The following CPNE4 variants were observed in gnomAD, a reference collection of about 807,000 sequenced individuals.
The protein encoded by CPNE4 is copine 4, also known as copine-4.
CPNE4 carries 25 observed loss-of-function variants against 67.9 expected under a neutral mutation model. That is an observed-to-expected ratio of 0.37 (90% confidence interval 0.27 to 0.51). The LOEUF (loss-of-function observed/expected upper bound fraction) is 0.51. Ranked by LOEUF, CPNE4 falls within the 20% of genes least tolerant of loss-of-function variation. The pLI is 0.93. For synonymous variants in CPNE4, 242 were observed against 244.9 expected, an observed-to-expected ratio of 0.99 and a Z score of 0.11; for missense variants, 464 against 690.8, an observed-to-expected ratio of 0.67 and a Z score of 3.68.
intron 8 of CPNE4, among the ~76,000 whole-genome samples, chr3:131,582,106 T>C (rs1937878996): frequency 6.6e-6 from 1 of 152,104 alleles, no homozygotes; most frequent in African/African-American, 2.4e-5. Flanking sequence ...CACAGTTGAG[T>C]GATGACCAAG....
chr3:132,000,727 A>G lies in CPNE4; in HGVS notation c.-2+33840T>C, dbSNP rs117410276. ...CAGGCAGACAGAATAAACAACTACA[A>G]AAGTCTTAAAACAGTAGCATTTTAA... is the stretch of plus-strand genomic sequence containing the variant. On this transcript the variant is annotated intron_variant, in intron 1 of 15. Transcript: ENST00000429747. Among the ~76,000 whole-genome samples, 358 of 151,850 alleles carry G rather than the reference A, an allele frequency of 2.4e-3. 4 individuals carry two copies. The East Asian group carries it at 0.025, about 10-fold the overall frequency.
intron 2 of CPNE4, among the ~76,000 whole-genome samples, chr3:131,873,334 G>A (rs1029004509): frequency 2.6e-5 from 4 of 152,082 alleles, no homozygotes; most frequent in African/African-American, 7.2e-5. Flanking sequence ...TCTTTCTTCT[G>A]ACTAGACCCT....
chr3:131,978,436 T>TTTA (rs2072790456), intron 1 of CPNE4, among the ~76,000 whole-genome samples: 1 of 3,044 alleles, frequency 3.3e-4, no homozygotes, highest in African/African-American at 2.7e-3. Context: ...ATTTATATAT[T>TTTA]TATATATATT....
At chr3:131,702,252 A>C (rs1300121956) in intron 3 of CPNE4, among the ~76,000 whole-genome samples, 1 of 152,206 alleles carries the variant, frequency 6.6e-6, no homozygotes, top group Non-Finnish European at 1.5e-5. Context: ...TCACTTAAGG[A>C]GTACATATTA....
At chr3:131,536,436 T>G (rs1935150468) in intron 15 of CPNE4, among the ~76,000 whole-genome samples, 3 of 152,200 alleles carry the variant, frequency 2.0e-5, no homozygotes, top group Admixed American at 1.3e-4. Context: ...TTAACTATTA[T>G]TGAAGAGATT....
At chr3:131,581,789 G>T in intron 8 of CPNE4, 124 bp from the exon 9 acceptor site, 1 of 697,252 alleles carries the variant, frequency 1.4e-6, no homozygotes, top group South Asian at 1.7e-5. Flanking sequence ...TCTCTAGGTG[G>T]TAACTCTTGC....
At chr3:131,882,513 G>C (rs2087717464) in intron 2 of CPNE4, among the ~76,000 whole-genome samples, 1 of 152,046 alleles carries the variant, frequency 6.6e-6, no homozygotes, top group Non-Finnish European at 1.5e-5. Context: ...AATTTGTAAA[G>C]CTTACCCAAT....
chr3:131,630,299 G>A (rs2079188353), intron 7 of CPNE4, among the ~76,000 whole-genome samples: 1 of 152,168 alleles, frequency 6.6e-6, no homozygotes, highest in Non-Finnish European at 1.5e-5. Flanking sequence ...GCCCCAAAGG[G>A]CATGAGTAGT....
chr3:131,940,763 A>T (rs2107855787), intron 1 of CPNE4, among the ~76,000 whole-genome samples: 1 of 152,262 alleles, frequency 6.6e-6, no homozygotes, highest in Middle Eastern at 3.4e-3. Context: ...AATAACAGGC[A>T]CAGAGGTTTT....
chr3:131,712,782 C>G (rs550998918), intron 3 of CPNE4, among the ~76,000 whole-genome samples: 8 of 152,112 alleles, frequency 5.3e-5, no homozygotes, highest in African/African-American at 1.2e-4. Flanking sequence ...TGCTGACAAT[C>G]GAGAAGGTGC....
chr3:131,788,976 A>G (rs1172424270), intron 2 of CPNE4, among the ~76,000 whole-genome samples: 8 of 151,330 alleles, frequency 5.3e-5, no homozygotes, highest in Non-Finnish European at 1.2e-4. Flanking sequence ...CACTGTGCAC[A>G]TATTAATGAT....
At chr3:131,586,793 AGT>A (rs1304839502) in intron 8 of CPNE4, among the ~76,000 whole-genome samples, 5 of 151,870 alleles carry the variant, frequency 3.3e-5, no homozygotes, top group African/African-American at 4.8e-5. Flanking sequence ...ATGATATGAA[AGT>A]GTGTGTATCT....
At chr3:131,855,012 G>T (rs115361275) in intron 2 of CPNE4, among the ~76,000 whole-genome samples, 3,675 of 152,006 alleles carry the variant, frequency 0.024, 160 homozygotes, top group African/African-American at 0.084. Context: ...CCAAGATACG[G>T]TATTTCTGTA....
intron 2 of CPNE4, among the ~76,000 whole-genome samples, chr3:131,864,249 A>T (rs1327689290): frequency 6.6e-6 from 1 of 151,510 alleles, no homozygotes; most frequent in African/African-American, 2.4e-5. Context: ...GAAGAAAGTC[A>T]TTGGTAGCTT....
At chr3:131,695,651 A>G (rs946159994) in intron 5 of CPNE4, among the ~76,000 whole-genome samples, 2 of 152,204 alleles carry the variant, frequency 1.3e-5, no homozygotes, top group Admixed American at 1.3e-4. Flanking sequence ...AGTTGTGAAA[A>G]GGTGAAGTTA....
intron 7 of CPNE4, among the ~76,000 whole-genome samples, chr3:131,623,088 G>C (rs1940563092): frequency 6.6e-6 from 1 of 152,102 alleles, no homozygotes; most frequent in African/African-American, 2.4e-5. Context: ...TATTTAATTG[G>C]AGACTACAAA....
intron 1 of CPNE4, among the ~76,000 whole-genome samples, chr3:132,033,882 G>T (rs915918189): frequency 2.0e-5 from 3 of 152,162 alleles, no homozygotes; most frequent in Non-Finnish European, 4.4e-5. Context: ...TCCTTACTCA[G>T]CTGTGGCTTG....
At chr3:131,987,921 A>G (rs1158188649) in intron 1 of CPNE4, among the ~76,000 whole-genome samples, 2 of 152,218 alleles carry the variant, frequency 1.3e-5, no homozygotes, top group Non-Finnish European at 2.9e-5. Flanking sequence ...TAATGTGCCA[A>G]GCACAGGGCT....
chr3:131,838,427 C>T (rs1365966972), intron 2 of CPNE4, among the ~76,000 whole-genome samples: 1 of 151,676 alleles, frequency 6.6e-6, no homozygotes, highest in Non-Finnish European at 1.5e-5. Context: ...GACAAATTTA[C>T]CCCACAGAGA....
Sources: allele counts gnomAD v4.1 joint callset (sites outside exome capture counted in the v4.1 genomes callset), GRCh38; gene constraint gnomAD v4.1.1; transcripts MANE v1.5; gene names NCBI Gene and HGNC (gene_info 2026-07-23, HGNC 2026-07-21).